CLMP: variants seen among roughly 807,000 people sequenced by gnomAD.
The protein encoded by CLMP is CXADR like cell adhesion molecule.
CLMP carries 27 observed loss-of-function variants against 45.2 expected under a neutral mutation model. The ratio of observed to expected loss-of-function variants is 0.60; its 90% CI spans 0.44 to 0.82. CLMP has a LOEUF of 0.82. Among genes scored for constraint, CLMP ranks in the 40% least tolerant of loss-of-function variants. The pLI, the probability that CLMP is intolerant of heterozygous loss-of-function variation, is 0.00. For synonymous variants in CLMP, 167 were observed against 171.4 expected (o/e 0.97, Z 0.20); for missense variants, 403 against 448.4 (o/e 0.90, Z 0.91).
At chr11:123,100,582 G>A (rs61904420) in intron 1 of CLMP, among the ~76,000 whole-genome samples, 112,501 of 151,318 alleles carry the variant, frequency 0.74, 43,053 homozygotes, top group African/African-American at 0.94. Context: ...CTTTCCCCAG[G>A]CGGCGCCTCC....
intron 1 of CLMP, among the ~76,000 whole-genome samples, chr11:123,190,093 G>A (rs1031370579): frequency 6.6e-6 from 1 of 151,774 alleles, no homozygotes; most frequent in Non-Finnish European, 1.5e-5. Context: ...AGGTGTCCAT[G>A]CTTGAGGCTG....
intron 1 of CLMP, among the ~76,000 whole-genome samples, chr11:123,122,291 G>A (rs1004149370): frequency 3.3e-5 from 5 of 152,144 alleles, no homozygotes; most frequent in Non-Finnish European, 2.9e-5. Context: ...GATTACAGGC[G>A]TGAGCCACTG....
At chr11:123,139,681 T>C (rs1289832958) in intron 1 of CLMP, among the ~76,000 whole-genome samples, 1 of 152,138 alleles carries the variant, frequency 6.6e-6, no homozygotes, top group Non-Finnish European at 1.5e-5. Flanking sequence ...CTGGGCATGG[T>C]GGCGCATGCC....
At chr11:123,127,027 T>C (rs768914621) in intron 1 of CLMP, among the ~76,000 whole-genome samples, 2 of 152,058 alleles carry the variant, frequency 1.3e-5, no homozygotes, top group Non-Finnish European at 2.9e-5. Flanking sequence ...AAGTTAAATA[T>C]AATTAAGTGT....
In CLMP at chr11:123,121,985, C is replaced by T. The variant is rs868050164; in HGVS notation, c.29-24033G>A. 2.6e-5 allele frequency among the ~76,000 whole-genome samples: 4 copies of T among 152,136 alleles called. No homozygotes were observed. The South Asian group carries it at 6.2e-4, about 24-fold the overall frequency. On this transcript the variant is annotated intron_variant, in intron 1 of 6. Coordinates refer to ENST00000448775, the MANE Select transcript of CLMP (RefSeq NM_024769.5). Reference sequence around the variant, plus strand: ...CTTGAACTCCTGGACTCAAGCAATCCGCCTGCCTACGGCCTCCCAAAGTGC... The same window carrying T: ...CTTGAACTCCTGGACTCAAGCAATCTGCCTGCCTACGGCCTCCCAAAGTGC...
At chr11:123,085,611 A>T (rs563208981) in intron 2 of CLMP, among the ~76,000 whole-genome samples, 1 of 151,506 alleles carries the variant, frequency 6.6e-6, no homozygotes, top group East Asian at 1.9e-4. Flanking sequence ...AAAAAAAAAA[A>T]AAAAAGCTTA....
At chr11:123,181,400 C>T (rs59577304) in intron 1 of CLMP, among the ~76,000 whole-genome samples, 11,960 of 152,250 alleles carry the variant, frequency 0.079, 1,387 homozygotes, top group African/African-American at 0.25. Context: ...CAATGCAATG[C>T]CCTCAAGCGA....
intron 1 of CLMP, among the ~76,000 whole-genome samples, chr11:123,101,770 C>A (rs1270360117): frequency 6.6e-6 from 1 of 152,214 alleles, no homozygotes; most frequent in East Asian, 1.9e-4. Context: ...ACAGGCCTTG[C>A]CCAAAACTCA....
rs1865660416 is a variant in CLMP at position 123,070,579 on chromosome 11, A to G, written c.*2895T>C. 1 of 152,184 alleles carries G rather than the reference A, an allele frequency of 6.6e-6. No homozygotes were observed. Among genetic ancestry groups the G allele is most frequent in the Non-Finnish European group, 1.5e-5 (1 of 68,034 alleles). 9.4% of individuals were successfully genotyped at this position (152,184 alleles called of 1,614,324 possible). On this transcript the variant is annotated 3_prime_UTR_variant, in exon 7 of 7. Transcript: ENST00000448775. ...TTGCTTTCAAAAGCATAGGCAGGAA[A>G]CCTTAGGTTCAAAGGTAGTAAATAA...
intron 2 of CLMP, among the ~76,000 whole-genome samples, chr11:123,093,432 C>T (rs1176126542): frequency 6.6e-6 from 1 of 151,964 alleles, no homozygotes; most frequent in East Asian, 1.9e-4. Context: ...CTGTGACCTC[C>T]GCCTCACAGG....
Position 123,173,777 on chromosome 11 carries a change from A to C in CLMP, c.28+21136T>G, listed in dbSNP as rs141423715. ...CCAGGATGCCGCACTCCTTCACCAC[A>C]TCAAAAAAAAATTCCAGGCCTGGGC... On this transcript the variant is annotated intron_variant, in intron 1 of 6. Transcript: ENST00000448775. 7.1e-4 allele frequency among the ~76,000 whole-genome samples: 108 copies of C among 152,256 alleles called. 1 individual carries two copies. Among genetic ancestry groups the C allele is most frequent in the African/African-American group, 2.5e-3 (105 of 41,546 alleles).
intron 1 of CLMP, among the ~76,000 whole-genome samples, chr11:123,142,673 G>T (rs1861179240): frequency 7.5e-6 from 1 of 133,320 alleles, no homozygotes; most frequent in African/African-American, 3.1e-5. Context: ...AGGCCGGACT[G>T]CGGACTGCAG....
At chr11:123,081,413 T>G (rs1007324013) in intron 5 of CLMP, among the ~76,000 whole-genome samples, 1 of 151,958 alleles carries the variant, frequency 6.6e-6, no homozygotes, top group South Asian at 2.1e-4. Flanking sequence ...ATTTTAACAC[T>G]GCAAACATGG....
chr11:123,162,393 A>G lies in CLMP; in HGVS notation c.28+32520T>C, dbSNP rs535871066. On this transcript the variant is annotated intron_variant, in intron 1 of 6. Coordinates refer to ENST00000448775, the MANE Select transcript of CLMP (RefSeq NM_024769.5). ...ATGATTTGAGGTGGTTTATAATGTT[A>G]AAACACATCCAAAACAGGAACGTGT... Among the ~76,000 whole-genome samples, 35 of 152,366 alleles carry G rather than the reference A, an allele frequency of 2.3e-4. No individual in the cohort carries two copies. In the South Asian group the frequency reaches 7.0e-3, roughly 31 times the overall value.
intron 1 of CLMP, among the ~76,000 whole-genome samples, chr11:123,150,177 GA>G (rs1861293113): frequency 7.0e-6 from 1 of 143,836 alleles, no homozygotes; most frequent in Non-Finnish European, 1.5e-5. Flanking sequence ...GAAGTAGTTG[GA>G]AAAAAATGCT....
intron 1 of CLMP, among the ~76,000 whole-genome samples, chr11:123,166,134 ACCT>A (rs1224491728): frequency 6.6e-6 from 1 of 151,850 alleles, no homozygotes; most frequent in Non-Finnish European, 1.5e-5. Context: ...CCACCTTCCA[ACCT>A]CCTTTCCGCA....
At chr11:123,118,969 CTTTCTTTCTTTCTTTCTTTCTTTCTT>C (rs1565387776) in intron 1 of CLMP, among the ~76,000 whole-genome samples, 2 of 44,302 alleles carry the variant, frequency 4.5e-5, no homozygotes, top group African/African-American at 1.9e-4. Context: ...TTCTTTCTTT[CTTTCTTTCTTTCTTTCTTTCTTTCTT>C]TCTTTCTCTC....
At position 123,090,881 on chromosome 11, in the gene CLMP, A is replaced by G. The variant is rs146611698; in HGVS notation, c.187-6168T>C. Reference sequence around the variant, plus strand: ...CACCAGACCAACTCAAAAGTGTACAATTTTCTTAGTGCTTATATAGGTTGT... The same window carrying G: ...CACCAGACCAACTCAAAAGTGTACAGTTTTCTTAGTGCTTATATAGGTTGT... On this transcript the variant is annotated intron_variant, in intron 2 of 6. Transcript: ENST00000448775. 9.1e-3 allele frequency among the ~76,000 whole-genome samples: 1,379 copies of G among 152,178 alleles called. 14 individuals carry two copies. Among genetic ancestry groups the G allele is most frequent in the African/African-American group, 0.029 (1,207 of 41,528 alleles).
At chr11:123,077,120 T>C (rs1236330916) in intron 5 of CLMP, among the ~76,000 whole-genome samples, 1 of 151,066 alleles carries the variant, frequency 6.6e-6, no homozygotes, top group African/African-American at 2.4e-5. Flanking sequence ...TGCCTCAGTT[T>C]CCTAAGTAGC....
Sources: gnomAD v4.1 joint callset for allele counts (sites outside exome capture counted in the v4.1 genomes callset) on GRCh38, gnomAD v4.1.1 for gene constraint, MANE v1.5 for transcripts, NCBI Gene and HGNC (gene_info 2026-07-23, HGNC 2026-07-21) for gene names.